The following PPARG variants were observed in gnomAD, a reference collection of about 807,000 sequenced individuals.
PPARG encodes peroxisome proliferator-activated receptor gamma.
Under a neutral mutation model 39.2 loss-of-function variants are expected in PPARG, and 17 were observed. The observed-to-expected ratio is 0.43, with a 90% confidence interval of 0.30 to 0.65. The LOEUF is 0.65. PPARG is among the 30% of genes least tolerant of loss of function. PPARG has a pLI of 0.13. For synonymous variants in PPARG, 223 were observed against 215.7 expected, an observed-to-expected ratio of 1.03 and a Z score of -0.30; for missense variants, 406 against 585.9, an observed-to-expected ratio of 0.69 and a Z score of 3.17.
At chr3:12,304,800 A>C (rs2047017459) in intron 1 of PPARG, among the ~76,000 whole-genome samples, 1 of 152,238 alleles carries the variant, frequency 6.6e-6, no homozygotes, top group African/African-American at 2.4e-5. Context: ...AGAAAGAAGC[A>C]AAGATAGTTT....
chr3:12,351,475 C>T, intron 2 of PPARG: 4 of 766,578 alleles, frequency 5.2e-6, no homozygotes, highest in Non-Finnish European at 9.1e-6. Flanking sequence ...TGTCTTGACT[C>T]ATGGGTGTAT....
intron 2 of PPARG, among the ~76,000 whole-genome samples, chr3:12,359,173 A>G (rs1364351079): frequency 2.0e-5 from 3 of 152,114 alleles, no homozygotes; most frequent in East Asian, 3.9e-4. Flanking sequence ...CCACAATACT[A>G]TGTGTTTCTT....
intron 5 of PPARG, among the ~76,000 whole-genome samples, chr3:12,393,791 G>A (rs2050162131): frequency 6.6e-6 from 1 of 152,022 alleles, no homozygotes; most frequent in Admixed American, 6.6e-5. Context: ...GCTCTATCAT[G>A]CAGATACTTG....
chr3:12,312,752 A>C (rs2047283726), intron 2 of PPARG, among the ~76,000 whole-genome samples: 1 of 152,150 alleles, frequency 6.6e-6, no homozygotes, highest in Admixed American at 6.5e-5. Flanking sequence ...CTTAAGTAAT[A>C]ATTACATTAT....
chr3:12,404,954 G>T (rs1341641534), intron 5 of PPARG, among the ~76,000 whole-genome samples: 1 of 152,210 alleles, frequency 6.6e-6, no homozygotes, highest in Non-Finnish European at 1.5e-5. Flanking sequence ...GCATGGCTGT[G>T]ATACCACATC....
chr3:12,428,289 G>C (rs888880124), intron 7 of PPARG, among the ~76,000 whole-genome samples: 1 of 152,240 alleles, frequency 6.6e-6, no homozygotes, highest in Non-Finnish European at 1.5e-5. Flanking sequence ...CGTGTGGATG[G>C]AGACCGGAAA....
chr3:12,370,333 T>C (rs2049165745), intron 2 of PPARG, among the ~76,000 whole-genome samples: 1 of 152,094 alleles, frequency 6.6e-6, no homozygotes. Context: ...TGATCATCTC[T>C]ATAGAAGGGG....
chr3:12,308,792 C>G (rs2047147970), intron 1 of PPARG, among the ~76,000 whole-genome samples: 1 of 151,862 alleles, frequency 6.6e-6, no homozygotes, highest in Non-Finnish European at 1.5e-5. Context: ...CAGCATGCCA[C>G]TGAGAAAATA....
chr3:12,415,976 A>C (rs905593412), intron 6 of PPARG, among the ~76,000 whole-genome samples: 1 of 152,264 alleles, frequency 6.6e-6, no homozygotes, highest in Non-Finnish European at 1.5e-5. Flanking sequence ...CTTTATGTTC[A>C]AGTGGGTATT....
chr3:12,424,427 G>T (rs574841301), intron 7 of PPARG, among the ~76,000 whole-genome samples: 217 of 152,264 alleles, frequency 1.4e-3, no homozygotes, highest in South Asian at 3.1e-3. Context: ...CTATGGGGTC[G>T]AATGCTGAGT....
Position 12,379,942 on chromosome 3 carries a change from T to G in PPARG, c.220+11T>G. ...TTCAAGAGTACCAAAGTATGATGTT[T>G]ATTTTCACTTTTCAGACTACTAGGA... On this transcript the variant is annotated intron_variant, in intron 3 of 7. Coordinates refer to ENST00000651735, the MANE Select transcript of PPARG (RefSeq NM_138711.6). 1 of 1,576,326 alleles carries G rather than the reference T, an allele frequency of 6.3e-7. No individual in the cohort carries two copies. The highest frequency in any genetic ancestry group is 1.1e-5 in the South Asian group (1 of 90,258).
At chr3:12,381,095 A>G (rs190363928) in intron 3 of PPARG, among the ~76,000 whole-genome samples, 4 of 152,104 alleles carry the variant, frequency 2.6e-5, no homozygotes, top group Non-Finnish European at 4.4e-5. Flanking sequence ...CTTAATTCTC[A>G]TTCCCATTTT....
chr3:12,397,427 T>C (rs1024661899), intron 5 of PPARG, among the ~76,000 whole-genome samples: 5 of 133,488 alleles, frequency 3.7e-5, no homozygotes, highest in East Asian at 4.3e-4. Flanking sequence ...ATTATTATTA[T>C]TGAGACAAAG....
At chr3:12,340,771 C>A (rs1451386465) in intron 2 of PPARG, among the ~76,000 whole-genome samples, 1 of 152,152 alleles carries the variant, frequency 6.6e-6, no homozygotes, top group African/African-American at 2.4e-5. Context: ...TAACTATGCC[C>A]TGTAATTTAG....
chr3:12,303,677 A>G (rs1030056010), intron 1 of PPARG, among the ~76,000 whole-genome samples: 5 of 152,248 alleles, frequency 3.3e-5, no homozygotes, highest in African/African-American at 4.8e-5. Flanking sequence ...TCAGCTCAGC[A>G]TAAGGAAAGC....
At chr3:12,305,870 A>G (rs551810418) in intron 1 of PPARG, 1 of 152,328 alleles carries the variant, frequency 6.6e-6, no homozygotes, top group East Asian at 1.9e-4. Flanking sequence ...CTGCAGTTTA[A>G]ATCTTGAACC....
intron 5 of PPARG, among the ~76,000 whole-genome samples, chr3:12,395,112 AT>A (rs1331497537): frequency 6.6e-6 from 1 of 152,218 alleles, no homozygotes; most frequent in East Asian, 1.9e-4. Flanking sequence ...GCTCTTGCTA[AT>A]GTTGTTGGAT....
rs984243899 is a variant in PPARG, at chr3:12,381,324, G to A, written c.223G>A (p.Ala75Thr). The change falls in exon 4 of 8, where the codon GCA becomes ACA. Residue 75 changes from alanine (A) to threonine (T), a missense_variant and splice_region_variant. Ala to Thr is a moderately conservative substitution (Grantham distance 58). Coordinates refer to ENST00000651735, the MANE Select transcript of PPARG (RefSeq NM_138711.6). ...CTCTCACATGTCTCCATACACAGGTGCAATCAAAGTGGAGCCTGCATCTCC... is the reference window on the plus strand; with the variant it reads ...CTCTCACATGTCTCCATACACAGGTACAATCAAAGTGGAGCCTGCATCTCC... ...YDLKLQEYQS[A>T]IKVEPASPPY... 1 of 1,612,826 alleles carries A rather than the reference G, an allele frequency of 6.2e-7. No homozygotes were observed. Among genetic ancestry groups the A allele is most frequent in the Non-Finnish European group, 8.5e-7 (1 of 1,179,448 alleles).
At chr3:12,384,426 G>A (rs1284080165) in intron 4 of PPARG, among the ~76,000 whole-genome samples, 1 of 152,028 alleles carries the variant, frequency 6.6e-6, no homozygotes, top group East Asian at 1.9e-4. Context: ...AATGGATGAT[G>A]GGTCGAAAAA....
Sources: allele counts gnomAD v4.1 joint callset (sites outside exome capture counted in the v4.1 genomes callset), GRCh38; gene constraint gnomAD v4.1.1; transcripts MANE v1.5; gene names NCBI Gene and HGNC (gene_info 2026-07-23, HGNC 2026-07-21).